MGAT4C: variants seen among roughly 807,000 people sequenced by gnomAD.
MGAT4C encodes the protein MGAT4 family member C.
A neutral mutation model predicts 40.1 loss-of-function variants in MGAT4C; 19 were observed. That is an observed-to-expected ratio of 0.47 (90% CI 0.33 to 0.70). The LOEUF is 0.70. Ranked by LOEUF, MGAT4C falls within the 30% of genes least tolerant of loss-of-function variation. The pLI is 0.02. For missense variants in MGAT4C, 491 were observed against 563.2 expected (o/e 0.87, Z 1.30); for synonymous variants, 181 against 187.1 (o/e 0.97, Z 0.27).
chr12:86,278,109 T>C (rs1953122120), intron 4 of MGAT4C, among the ~76,000 whole-genome samples: 1 of 151,996 alleles, frequency 6.6e-6, no homozygotes. Flanking sequence ...TTTTTTTCAC[T>C]TCTTTGGTTA....
chr12:86,324,068 C>A (rs1323951453), intron 4 of MGAT4C, among the ~76,000 whole-genome samples: 1 of 151,786 alleles, frequency 6.6e-6, no homozygotes. Context: ...AGCATAATTT[C>A]TTTATTTTTA....
chr12:86,516,036 G>A (rs80020622), intron 2 of MGAT4C, among the ~76,000 whole-genome samples: 9,776 of 151,744 alleles, frequency 0.064, 748 homozygotes, highest in East Asian at 0.24. Context: ...GAGCCATCGC[G>A]CCCGGCCCAT....
intron 1 of MGAT4C, among the ~76,000 whole-genome samples, chr12:86,168,579 A>T (rs902188411): frequency 2.0e-5 from 3 of 152,192 alleles, no homozygotes; most frequent in Non-Finnish European, 4.4e-5. Flanking sequence ...TTAAAATAGG[A>T]TAACTGACTG....
chr12:86,291,361 G>T (rs1036515535), intron 4 of MGAT4C, among the ~76,000 whole-genome samples: 3 of 152,164 alleles, frequency 2.0e-5, no homozygotes, highest in African/African-American at 2.4e-5. Flanking sequence ...CCAAGAAATA[G>T]ATATTTTTAA....
At chr12:86,832,752 C>T (rs183775237) in intron 1 of MGAT4C, among the ~76,000 whole-genome samples, 8 of 151,814 alleles carry the variant, frequency 5.3e-5, no homozygotes, top group Non-Finnish European at 8.8e-5. Flanking sequence ...TAGCTAACCA[C>T]GTAATCTACT....
chr12:86,795,659 G>A (rs1952102640), intron 1 of MGAT4C, among the ~76,000 whole-genome samples: 1 of 151,762 alleles, frequency 6.6e-6, no homozygotes, highest in Non-Finnish European at 1.5e-5. Flanking sequence ...ACAGGAAGAA[G>A]AAGAGAGATG....
At chr12:86,617,712 A>T (rs1279588155) in intron 2 of MGAT4C, among the ~76,000 whole-genome samples, 3 of 151,878 alleles carry the variant, frequency 2.0e-5, no homozygotes, top group East Asian at 3.9e-4. Flanking sequence ...GAAAAAAAAA[A>T]AAACTAAAAC....
intron 3 of MGAT4C, among the ~76,000 whole-genome samples, chr12:86,359,367 A>T (rs939536290): frequency 6.6e-6 from 1 of 152,198 alleles, no homozygotes; most frequent in Admixed American, 6.5e-5. Context: ...TGCCCACAAG[A>T]GAAAGAGGAA....
At chr12:86,382,298 C>T (rs964274937) in intron 3 of MGAT4C, among the ~76,000 whole-genome samples, 12 of 151,310 alleles carry the variant, frequency 7.9e-5, no homozygotes, top group Admixed American at 7.9e-4. Flanking sequence ...TGGCATTGTG[C>T]CCCTGCACTA....
At chr12:86,726,390 G>A (rs986964491) in intron 2 of MGAT4C, among the ~76,000 whole-genome samples, 1 of 152,126 alleles carries the variant, frequency 6.6e-6, no homozygotes, top group Non-Finnish European at 1.5e-5. Flanking sequence ...GAATAACACT[G>A]CTGTGTAAAT....
upstream of MGAT4C, among the ~76,000 whole-genome samples, chr12:86,261,229 T>C (rs1053962293): frequency 2.6e-5 from 4 of 152,220 alleles, no homozygotes; most frequent in East Asian, 3.9e-4. Flanking sequence ...CAGCAGAACA[T>C]ATTTAAAAAC....
At chr12:86,836,200 A>G (rs1193503167) in intron 1 of MGAT4C, among the ~76,000 whole-genome samples, 1 of 152,042 alleles carries the variant, frequency 6.6e-6, no homozygotes, top group African/African-American at 2.4e-5. Context: ...ATATAGTTAA[A>G]GGAGAATTTG....
chr12:86,385,940 A>T (rs1012460933), intron 3 of MGAT4C, among the ~76,000 whole-genome samples: 4 of 151,446 alleles, frequency 2.6e-5, no homozygotes, highest in African/African-American at 7.3e-5. Flanking sequence ...TTATTTATTT[A>T]TTTTTTTTGA....
At chr12:86,146,388 T>C (rs536177327) in intron 1 of MGAT4C, among the ~76,000 whole-genome samples, 1 of 152,350 alleles carries the variant, frequency 6.6e-6, no homozygotes, top group South Asian at 2.1e-4. Context: ...TACCATTCTC[T>C]GAGGAAGATG....
chr12:86,040,666 A>G (rs567326491), intron 2 of MGAT4C, among the ~76,000 whole-genome samples: 2 of 152,116 alleles, frequency 1.3e-5, no homozygotes, highest in African/African-American at 4.8e-5. Flanking sequence ...TTTCCAGGGC[A>G]GTGAATGATT....
chr12:86,646,216 T>C (rs1963540296), intron 2 of MGAT4C, among the ~76,000 whole-genome samples: 3 of 151,966 alleles, frequency 2.0e-5, no homozygotes, highest in Admixed American at 2.0e-4. Context: ...CAGCATTGGT[T>C]AGAAAGGTGG....
chr12:86,438,280 G>C (rs559122404), intron 2 of MGAT4C, among the ~76,000 whole-genome samples: 119 of 152,014 alleles, frequency 7.8e-4, no homozygotes, highest in African/African-American at 2.6e-3. Flanking sequence ...CCAGAGCAAG[G>C]CCCTAATTAT....
intron 2 of MGAT4C, among the ~76,000 whole-genome samples, chr12:86,705,254 C>T (rs1950434792): frequency 6.8e-6 from 1 of 147,516 alleles, no homozygotes. Flanking sequence ...ATCTATCTAT[C>T]TATCTATCTA....
chr12:86,252,844 C>T (rs1952357509), intron 1 of MGAT4C, among the ~76,000 whole-genome samples: 1 of 151,874 alleles, frequency 6.6e-6, no homozygotes, highest in African/African-American at 2.4e-5. Flanking sequence ...AGCTAGCTTG[C>T]TTGAACATAC....
Sources: gnomAD v4.1 joint callset for allele counts (sites outside exome capture counted in the v4.1 genomes callset) on GRCh38, gnomAD v4.1.1 for gene constraint, MANE v1.5 for transcripts, NCBI Gene and HGNC (gene_info 2026-07-23, HGNC 2026-07-21) for gene names.